SGCD: variants seen among roughly 807,000 people sequenced by gnomAD.
SGCD encodes sarcoglycan delta.
SGCD carries 18 observed loss-of-function variants against 36.6 expected under a neutral mutation model. That is an observed-to-expected ratio of 0.49 (90% CI 0.34 to 0.73). The LOEUF (loss-of-function observed/expected upper bound fraction) is 0.73, where lower values mean the gene tolerates loss of function less well. Ranked by LOEUF, SGCD falls within the 30% of genes least tolerant of loss-of-function variation. The pLI is 0.01. For synonymous variants in SGCD, 133 were observed against 130.6 expected, an observed-to-expected ratio of 1.02 and a Z score of -0.12; for missense variants, 387 against 346.7, an observed-to-expected ratio of 1.12 and a Z score of -0.92.
the SGCD span, among the ~76,000 whole-genome samples, chr5:155,812,279 C>T: frequency 3.9e-4 from 59 of 152,178 alleles, no homozygotes; most frequent in African/African-American, 1.4e-3. Context: ...ATTCCCAGAG[C>T]TATGAACATC....
chr5:155,968,169 T>C (rs1161768267), intron 1 of SGCD, among the ~76,000 whole-genome samples: 1 of 152,054 alleles, frequency 6.6e-6, no homozygotes, highest in Non-Finnish European at 1.5e-5. Flanking sequence ...GATCAAAATG[T>C]GTGTTTTGTG....
At chr5:156,441,845 A>T (rs866892197) in intron 3 of SGCD, among the ~76,000 whole-genome samples, 12 of 152,160 alleles carry the variant, frequency 7.9e-5, no homozygotes, top group South Asian at 6.2e-4. Flanking sequence ...TTACTTCCTG[A>T]GTGCTGCAAA....
At chr5:156,233,809 C>G (rs1354350489) in intron 3 of SGCD, among the ~76,000 whole-genome samples, 7 of 152,114 alleles carry the variant, frequency 4.6e-5, no homozygotes, top group Non-Finnish European at 8.8e-5. Context: ...CACTTGAGCC[C>G]AGGAGGTTGA....
At chr5:156,674,104 T>G (rs1753413720) in intron 7 of SGCD, among the ~76,000 whole-genome samples, 1 of 152,224 alleles carries the variant, frequency 6.6e-6, no homozygotes, top group African/African-American at 2.4e-5. Flanking sequence ...TTAGGCTTCT[T>G]CTGATTGCCT....
chr5:155,827,535 CTGTT>C, the SGCD span, among the ~76,000 whole-genome samples: 1 of 151,950 alleles, frequency 6.6e-6, no homozygotes, highest in African/African-American at 2.4e-5. Context: ...TGTTTGTTTT[CTGTT>C]TGTTTTTCTC....
intron 1 of SGCD, among the ~76,000 whole-genome samples, chr5:155,911,636 A>G (rs1232836944): frequency 2.6e-5 from 4 of 151,892 alleles, no homozygotes; most frequent in Non-Finnish European, 5.9e-5. Context: ...CCTGGCTCTG[A>G]TATCCTCTTC....
chr5:156,671,917 C>T (rs545081461), intron 7 of SGCD, among the ~76,000 whole-genome samples: 115 of 152,100 alleles, frequency 7.6e-4, no homozygotes, highest in African/African-American at 2.7e-3. Flanking sequence ...AAAGAGACAC[C>T]GGGCTCTTTA....
chr5:156,199,981 A>AACAGGGC (rs1764106167), intron 3 of SGCD, among the ~76,000 whole-genome samples: 1 of 152,150 alleles, frequency 6.6e-6, no homozygotes. Flanking sequence ...CTAGGAATCT[A>AACAGGGC]CTAAAGGCCC....
chr5:156,521,172 C>A (rs1757387582), intron 4 of SGCD, among the ~76,000 whole-genome samples: 1 of 151,990 alleles, frequency 6.6e-6, no homozygotes, highest in Non-Finnish European at 1.5e-5. Flanking sequence ...GAAATTGGAC[C>A]CCTTCCTTAC....
rs1561710204 is a variant in SGCD, at chr5:156,078,573, T to TTATTTATATA, written c.-281-39302_-281-39301insTTATATATAT. On this transcript the variant is annotated intron_variant, in intron 1 of 9. Transcript: ENST00000517913. Reference sequence around the variant, plus strand: ...TATATATTTATATTTATATATATATTTATATTTATATATATTTATATTTAT... The same window carrying TTATTTATATA: ...TATATATTTATATTTATATATATATTTATTTATATATATATTTATATATATTTATATTTAT... 4.4e-3 allele frequency among the ~76,000 whole-genome samples: 427 copies of TTATTTATATA among 97,854 alleles called. 2 individuals are homozygous for TTATTTATATA. Among genetic ancestry groups the TTATTTATATA allele is most frequent in the Non-Finnish European group, 6.3e-3 (373 of 58,806 alleles). The allele number at this position is 97,854 out of a possible 152,430, so 64.2% of individuals were successfully genotyped here.
intron 3 of SGCD, among the ~76,000 whole-genome samples, chr5:156,281,533 C>G (rs1052579477): frequency 1.3e-4 from 19 of 151,968 alleles, no homozygotes; most frequent in African/African-American, 4.1e-4. Flanking sequence ...ATTATTGAGG[C>G]CCCTGCCAGG....
chr5:155,966,972 T>G (rs13357927), intron 1 of SGCD, among the ~76,000 whole-genome samples: 3,498 of 150,218 alleles, frequency 0.023, 134 homozygotes, highest in African/African-American at 0.077. Flanking sequence ...TGTGTGTATG[T>G]GTATGTGTGT....
chr5:155,783,982 A>C, the SGCD span, among the ~76,000 whole-genome samples: 1 of 152,200 alleles, frequency 6.6e-6, no homozygotes, highest in Admixed American at 6.5e-5. Context: ...CCATGCCATT[A>C]CATAGCTTAG....
chr5:155,974,424 T>C (rs1446735026), intron 1 of SGCD, among the ~76,000 whole-genome samples: 2 of 152,032 alleles, frequency 1.3e-5, no homozygotes, highest in East Asian at 2.0e-4. Flanking sequence ...ACACACCCTC[T>C]TTCCCCAGGG....
At chr5:156,074,921 T>C (rs1760726074) in intron 1 of SGCD, among the ~76,000 whole-genome samples, 1 of 152,230 alleles carries the variant, frequency 6.6e-6, no homozygotes, top group Non-Finnish European at 1.5e-5. Context: ...CATATCATGG[T>C]AATCATGTGC....
At chr5:156,444,854 C>T (rs1753692750) in intron 3 of SGCD, among the ~76,000 whole-genome samples, 1 of 152,014 alleles carries the variant, frequency 6.6e-6, no homozygotes, top group South Asian at 2.1e-4. Context: ...CAAGAATGCT[C>T]CATGTGTTTT....
intron 3 of SGCD, among the ~76,000 whole-genome samples, chr5:156,402,627 A>G (rs1197925982): frequency 6.6e-6 from 1 of 152,210 alleles, no homozygotes; most frequent in East Asian, 1.9e-4. Context: ...TTGTTCATAC[A>G]TGCATGAACT....
intron 4 of SGCD, among the ~76,000 whole-genome samples, chr5:156,542,947 T>C (rs1451523570): frequency 1.3e-5 from 2 of 152,146 alleles, no homozygotes; most frequent in African/African-American, 2.4e-5. Flanking sequence ...ATGTAATCTA[T>C]GTATGTGAAT....
chr5:155,970,930 G>A (rs1035993827), intron 1 of SGCD, among the ~76,000 whole-genome samples: 2 of 152,058 alleles, frequency 1.3e-5, no homozygotes, highest in East Asian at 1.9e-4. Flanking sequence ...ATTCAGTGAC[G>A]TCCAGGCTGG....
Sources: allele counts gnomAD v4.1 joint callset (sites outside exome capture counted in the v4.1 genomes callset), GRCh38; gene constraint gnomAD v4.1.1; transcripts MANE v1.5; gene names NCBI Gene and HGNC (gene_info 2026-07-23, HGNC 2026-07-21).